The following CALN1 variants were observed in gnomAD, a reference collection of about 807,000 sequenced individuals.
CALN1 encodes calcium-binding protein 8.
A neutral mutation model predicts 30.6 loss-of-function variants in CALN1; 17 were observed. That is an observed-to-expected ratio of 0.56 (90% CI 0.38 to 0.83). The LOEUF is 0.83. Ranked by LOEUF, CALN1 falls within the 40% of genes least tolerant of loss-of-function variation. CALN1 has a pLI of 0.00. For missense variants in CALN1, 291 were observed against 354.9 expected, an observed-to-expected ratio of 0.82 and a Z score of 1.45; for synonymous variants, 156 against 131.4, an observed-to-expected ratio of 1.19 and a Z score of -1.28.
In CALN1 at chr7:71,843,720, G is replaced by A. The variant is rs773557370; in HGVS notation, c.502-33228C>T. Among the ~76,000 whole-genome samples, 35 of 152,150 alleles carry A rather than the reference G, an allele frequency of 2.3e-4. 1 individual carries two copies. Among genetic ancestry groups the A allele is most frequent in the Non-Finnish European group, 4.6e-4 (31 of 68,032 alleles). ...CTCATTTGTAAAATGGGACTAGAATGGATCTAATTAATACATTATACTTAC... is the reference window on the plus strand; with the variant it reads ...CTCATTTGTAAAATGGGACTAGAATAGATCTAATTAATACATTATACTTAC... On this transcript the variant is annotated intron_variant, in intron 5 of 6. Coordinates refer to ENST00000395275, the MANE Select transcript of CALN1 (RefSeq NM_031468.4).
intron 4 of CALN1, among the ~76,000 whole-genome samples, chr7:72,050,310 G>C (rs944895262): frequency 6.6e-6 from 1 of 151,950 alleles, no homozygotes; most frequent in Non-Finnish European, 1.5e-5. Flanking sequence ...TAGTACAATT[G>C]CAATTACTAG....
At chr7:72,409,943 G>A (rs755584319) in intron 1 of CALN1, among the ~76,000 whole-genome samples, 4 of 152,172 alleles carry the variant, frequency 2.6e-5, no homozygotes, top group Non-Finnish European at 5.9e-5. Context: ...GCTTGATAAT[G>A]GTTTTCCCCT....
chr7:71,960,920 G>A (rs1051641490), intron 5 of CALN1, among the ~76,000 whole-genome samples: 18 of 152,110 alleles, frequency 1.2e-4, no homozygotes, highest in Admixed American at 6.5e-5. Flanking sequence ...AGGTTCAAGC[G>A]ATTCTCGTGC....
At chr7:72,352,323 A>T (rs1373859135) in intron 2 of CALN1, among the ~76,000 whole-genome samples, 1 of 138,606 alleles carries the variant, frequency 7.2e-6, no homozygotes, top group Non-Finnish European at 1.5e-5. Context: ...TGGGAGGCAG[A>T]GGTTGCAGTG....
At chr7:72,336,913 CT>C (rs954292765) in intron 2 of CALN1, 12 of 984,818 alleles carry the variant, frequency 1.2e-5, no homozygotes, top group Non-Finnish European at 1.4e-5. Flanking sequence ...CCCCGGGCCG[CT>C]CCCCACGCGC....
chr7:71,792,636 A>G (rs1183245693), intron 6 of CALN1, among the ~76,000 whole-genome samples: 1 of 152,170 alleles, frequency 6.6e-6, no homozygotes, highest in Non-Finnish European at 1.5e-5. Context: ...AGGAGGTGGC[A>G]TTTAAGAAGG....
intron 6 of CALN1, among the ~76,000 whole-genome samples, chr7:71,808,392 CAAT>C (rs1024485222): frequency 6.6e-6 from 1 of 151,074 alleles, no homozygotes; most frequent in African/African-American, 2.4e-5. Context: ...TATTTTATAA[CAAT>C]AAGGATTAAT....
At chr7:72,166,949 G>C (rs1166239440) in intron 3 of CALN1, among the ~76,000 whole-genome samples, 2 of 152,132 alleles carry the variant, frequency 1.3e-5, no homozygotes, top group African/African-American at 4.8e-5. Flanking sequence ...AATTAGAATT[G>C]CTTAAACTGG....
chr7:72,171,837 A>AAC lies in CALN1; in HGVS notation c.245-65545_245-65544dup, dbSNP rs561830982. 4.7e-4 allele frequency among the ~76,000 whole-genome samples: 72 copies of AAC among 152,274 alleles called. 2 individuals are homozygous for AAC. The South Asian group carries it at 0.014, about 30-fold the overall frequency. On this transcript the variant is annotated intron_variant, in intron 3 of 6. Coordinates refer to ENST00000395275, the MANE Select transcript of CALN1 (RefSeq NM_031468.4). ...AAATAGTAATAATGTTTACCATTTA[A>AAC]ACACACACACAGGTCCACACACACA...
At chr7:72,361,665 G>C (rs767619199) in intron 2 of CALN1, among the ~76,000 whole-genome samples, 1 of 152,158 alleles carries the variant, frequency 6.6e-6, no homozygotes, top group African/African-American at 2.4e-5. Flanking sequence ...AGTTTACCAG[G>C]TTACCACACT....
At chr7:72,028,946 A>G (rs773934382) in intron 4 of CALN1, among the ~76,000 whole-genome samples, 8 of 151,974 alleles carry the variant, frequency 5.3e-5, no homozygotes, top group Admixed American at 2.0e-4. Flanking sequence ...AGCTGAGATG[A>G]TGCCATTGGC....
intron 3 of CALN1, among the ~76,000 whole-genome samples, chr7:72,116,540 A>T (rs1807995665): frequency 6.6e-6 from 1 of 152,156 alleles, no homozygotes; most frequent in Non-Finnish European, 1.5e-5. Flanking sequence ...AGGGTACGGA[A>T]GCAGGAGGGG....
chr7:71,850,499 T>C (rs571980109), intron 5 of CALN1, among the ~76,000 whole-genome samples: 1 of 152,356 alleles, frequency 6.6e-6, no homozygotes, highest in African/African-American at 2.4e-5. Flanking sequence ...ATTACAGGCG[T>C]GGGCCACTGT....
At chr7:71,961,493 A>G (rs1426111901) in intron 5 of CALN1, among the ~76,000 whole-genome samples, 1 of 152,222 alleles carries the variant, frequency 6.6e-6, no homozygotes, top group Non-Finnish European at 1.5e-5. Flanking sequence ...TTTCTGCCAT[A>G]AAACCCGTAA....
intron 5 of CALN1, among the ~76,000 whole-genome samples, chr7:71,837,019 G>A (rs1040455416): frequency 4.0e-5 from 6 of 151,092 alleles, no homozygotes; most frequent in South Asian, 2.1e-4. Context: ...ATCACTTAAC[G>A]TCAGGAGTTC....
chr7:72,302,343 G>A (rs796704718), intron 2 of CALN1, among the ~76,000 whole-genome samples: 3 of 152,312 alleles, frequency 2.0e-5, no homozygotes, highest in African/African-American at 7.2e-5. Context: ...GGAAGGAACG[G>A]ACAACGTTTT....
chr7:71,835,233 G>A (rs551747338), intron 5 of CALN1, among the ~76,000 whole-genome samples: 2 of 152,300 alleles, frequency 1.3e-5, no homozygotes, highest in Admixed American at 6.5e-5. Context: ...TAACATGGCT[G>A]AGCTTATAAT....
At chr7:72,140,319 C>T (rs1809816407) in intron 3 of CALN1, among the ~76,000 whole-genome samples, 1 of 111,312 alleles carries the variant, frequency 9.0e-6, no homozygotes, top group Non-Finnish European at 1.7e-5. Flanking sequence ...AAGAGAGGAA[C>T]AGAGAAAGGG....
intron 2 of CALN1, among the ~76,000 whole-genome samples, chr7:72,323,000 G>A (rs1358843492): frequency 4.6e-5 from 7 of 150,960 alleles, no homozygotes; most frequent in African/African-American, 1.7e-4. Context: ...AAAGGACAGG[G>A]GAGGGGAGGG....
Sources: allele counts gnomAD v4.1 joint callset (sites outside exome capture counted in the v4.1 genomes callset), GRCh38; gene constraint gnomAD v4.1.1; transcripts MANE v1.5; gene names NCBI Gene and HGNC (gene_info 2026-07-23, HGNC 2026-07-21).